The following SCN11A variants were observed in gnomAD, a reference collection of about 807,000 sequenced individuals.
The protein encoded by SCN11A is sodium voltage-gated channel alpha subunit 11.
SCN11A carries 122 observed loss-of-function variants against 162.2 expected under a neutral mutation model. That is an observed-to-expected ratio of 0.75 (90% CI 0.65 to 0.87). SCN11A has a LOEUF of 0.87. SCN11A is among the 40% of genes least tolerant of loss of function. The pLI, the probability that SCN11A is intolerant of heterozygous loss-of-function variation, is 0.00. For missense variants in SCN11A, 2,015 were observed against 2,181.6 expected, an observed-to-expected ratio of 0.92 and a Z score of 1.52; for synonymous variants, 758 against 751.5, an observed-to-expected ratio of 1.01 and a Z score of -0.14.
chr3:38,986,549 G>A (rs2030252251), intron 2 of SCN11A, among the ~76,000 whole-genome samples: 1 of 152,190 alleles, frequency 6.6e-6, no homozygotes, highest in African/African-American at 2.4e-5. Flanking sequence ...AACTGAAGAT[G>A]TAAAAAGAAA....
At chr3:38,995,189 G>A (rs2030585338) in intron 2 of SCN11A, among the ~76,000 whole-genome samples, 1 of 150,940 alleles carries the variant, frequency 6.6e-6, no homozygotes, top group Admixed American at 6.6e-5. Context: ...GGAGTGCAGT[G>A]GCGCGATCTC....
At chr3:39,003,183 C>G (rs1397459781) in intron 2 of SCN11A, among the ~76,000 whole-genome samples, 1 of 151,848 alleles carries the variant, frequency 6.6e-6, no homozygotes, top group African/African-American at 2.4e-5. Flanking sequence ...CACTTCCCAC[C>G]CTCCATCCTC....
At position 38,867,285 on chromosome 3, in the gene SCN11A, A is replaced by G. The variant is rs767002609; in HGVS notation, c.3951+36T>C. On this transcript the variant is annotated intron_variant, in intron 27 of 29. Transcript: ENST00000302328. ...TTGTTAATGCATTTGGAGGACAGAG[A>G]TAAAATTACCAAATCAAGACAACCC... The G allele has an allele frequency of 3.8e-6, 6 of 1,593,480 alleles. No individual in the cohort carries two copies. In the South Asian group the frequency reaches 6.7e-5, roughly 18 times the overall value.
In SCN11A at chr3:38,921,146, G is replaced by A. The variant is rs755599430; in HGVS notation, c.822C>T (p.Leu274=). 3.1e-6 allele frequency: 5 copies of A among 1,614,010 alleles called. No individual in the cohort carries two copies. The South Asian group carries it at 4.4e-5, about 14-fold the overall frequency. The change falls in exon 10 of 30, where the codon CTC becomes CTT. Residue 274 remains leucine (L), a synonymous_variant. Transcript: ENST00000302328. The part of the protein sequence containing the change: ...LSIFALVGQQ[L]FMGSLNLKCI... The stretch of plus-strand genomic sequence containing the variant: ...ATTTCAGGTTCAGACTTCCCATGAA[G>A]AGCTGCTGACCTACCAGGGCAAAGA...
intron 2 of SCN11A, among the ~76,000 whole-genome samples, chr3:38,973,856 C>G (rs1364949529): frequency 1.3e-5 from 2 of 152,134 alleles, no homozygotes; most frequent in Admixed American, 6.5e-5. Context: ...AGCTGGAGCA[C>G]CAAAGGGCTC....
rs1420757833 is a variant in SCN11A, at chr3:38,883,353, G to A, written c.3099C>T (p.Asp1033=). The A allele has an allele frequency of 1.9e-6, 3 of 1,613,892 alleles. No individual in the cohort carries two copies. The highest frequency in any genetic ancestry group is 2.5e-6 in the Non-Finnish European group (3 of 1,179,910). The change falls in exon 22 of 30, where the codon GAC becomes GAT. Residue 1033 remains aspartate (D), a synonymous_variant. Coordinates refer to ENST00000302328, the MANE Select transcript of SCN11A (RefSeq NM_001349253.2). ...AAATGACCCAGGGAGGCTTTCTCTT[G>A]TCCACGCTACAGCATGGAAAGCAGC... ...FGCCFPCCSV[D]KRKPPWVIWW...
At chr3:38,848,257 C>T (rs1285750834) in intron 29 of SCN11A, among the ~76,000 whole-genome samples, 1 of 152,230 alleles carries the variant, frequency 6.6e-6, no homozygotes, top group Non-Finnish European at 1.5e-5. Flanking sequence ...AAATGTCGCC[C>T]TGCCTGCTCT....
chr3:38,988,745 C>T (rs1004006307), intron 2 of SCN11A, among the ~76,000 whole-genome samples: 10 of 152,076 alleles, frequency 6.6e-5, no homozygotes, highest in Non-Finnish European at 1.5e-5. Flanking sequence ...TATTACAACT[C>T]TGATTTTATA....
intron 1 of SCN11A, among the ~76,000 whole-genome samples, chr3:39,047,243 A>T (rs1449028408): frequency 6.6e-6 from 1 of 151,468 alleles, no homozygotes; most frequent in Non-Finnish European, 1.5e-5. Context: ...CAATTAACTG[A>T]TTTTTAACAA....
chr3:38,951,929 T>G (rs4299427), intron 4 of SCN11A, among the ~76,000 whole-genome samples: 1 of 151,638 alleles, frequency 6.6e-6, no homozygotes, highest in African/African-American at 2.4e-5. Flanking sequence ...ATCAGGCTGC[T>G]GGAGCCAGCA....
intron 4 of SCN11A, 109 bp from the exon 5 acceptor site, chr3:38,950,478 A>G: frequency 4.3e-6 from 5 of 1,164,020 alleles, no homozygotes; most frequent in Non-Finnish European, 6.1e-6. Flanking sequence ...AGGATCTACA[A>G]AAGCTGAGCT....
At chr3:38,999,832 G>T (rs550025282) in intron 2 of SCN11A, among the ~76,000 whole-genome samples, 1 of 152,230 alleles carries the variant, frequency 6.6e-6, no homozygotes. Context: ...TATAATTATA[G>T]GTACTCCAAT....
chr3:39,015,758 A>T (rs939220975), intron 2 of SCN11A, among the ~76,000 whole-genome samples: 3 of 152,148 alleles, frequency 2.0e-5, no homozygotes, highest in African/African-American at 7.2e-5. Flanking sequence ...ATTTTTTGAG[A>T]CAGAGTCTTG....
intron 16 of SCN11A, among the ~76,000 whole-genome samples, chr3:38,902,570 T>A (rs1457005169): frequency 3.3e-5 from 5 of 150,548 alleles, no homozygotes; most frequent in Non-Finnish European, 1.5e-5. Flanking sequence ...CAGGCTGGAG[T>A]GCAGTGGCAC....
At chr3:38,872,423 T>A in intron 23 of SCN11A, 129 bp from the exon 24 acceptor site, 1 of 600,370 alleles carries the variant, frequency 1.7e-6, no homozygotes, top group Non-Finnish European at 3.1e-6. Flanking sequence ...ATTTGTTTAG[T>A]GAAAGACATA....
At chr3:38,898,560 G>A (rs757292004) in intron 17 of SCN11A, among the ~76,000 whole-genome samples, 1 of 152,220 alleles carries the variant, frequency 6.6e-6, no homozygotes, top group South Asian at 2.1e-4. Flanking sequence ...GTAGTCAGGA[G>A]AGAAAAGGCA....
intron 8 of SCN11A, 102 bp from the exon 9 acceptor site, chr3:38,925,611 C>A: frequency 1.3e-6 from 1 of 792,756 alleles, no homozygotes; most frequent in Non-Finnish European, 2.1e-6. Context: ...AGGCCTGTGA[C>A]CTCCAAGGTG....
intron 2 of SCN11A, among the ~76,000 whole-genome samples, chr3:38,978,215 C>T (rs772093913): frequency 2.0e-5 from 3 of 152,172 alleles, no homozygotes; most frequent in Non-Finnish European, 4.4e-5. Context: ...CATCTCTGCT[C>T]CAGGTTTGCC....
rs973586905 is a variant in SCN11A, at chr3:38,994,805, G to A, written c.-279-34382C>T. Among the ~76,000 whole-genome samples, 69 of 151,940 alleles carry A rather than the reference G, an allele frequency of 4.5e-4. 1 individual carries two copies. The highest frequency in any genetic ancestry group is 4.0e-3 in the Admixed American group (61 of 15,276). ...ACCTGGAGACAGATGGAAGCTGGAG[G>A]GACCTACACTCACAGGGCTCTGGGG... On this transcript the variant is annotated intron_variant, in intron 2 of 29. Transcript: ENST00000302328.
Sources: allele counts gnomAD v4.1 joint callset (sites outside exome capture counted in the v4.1 genomes callset), GRCh38; gene constraint gnomAD v4.1.1; transcripts MANE v1.5; gene names NCBI Gene and HGNC (gene_info 2026-07-23, HGNC 2026-07-21).